Variants in ZNF205 observed in about 807,000 individuals in gnomAD.
ZNF205 encodes the protein zinc finger protein 205.
A neutral mutation model predicts 53.6 loss-of-function variants in ZNF205; 32 were observed. The observed-to-expected ratio is 0.60, with a 90% CI of 0.45 to 0.80. The LOEUF is 0.80. ZNF205 is among the 30% of genes least tolerant of loss of function. The probability of loss-of-function intolerance (pLI) is 0.00; values close to 1 mark genes in which losing one functional copy is unlikely to be tolerated. For synonymous variants in ZNF205, 382 were observed against 334.3 expected, an observed-to-expected ratio of 1.14 and a Z score of -1.56; for missense variants, 836 against 782.4, an observed-to-expected ratio of 1.07 and a Z score of -0.82.
rs753936335 is a variant in ZNF205 at position 3,119,454 on chromosome 16, C to T, written c.794C>T (p.Pro265Leu). ...AEPDRTPDAA[P>L]PDPSPTEPQE... ...CCAGATCGCACCCCGGATGCAGCTCCGCCAGACCCCAGTCCCACGGAGCCC... is the reference window on the plus strand; with the variant it reads ...CCAGATCGCACCCCGGATGCAGCTCTGCCAGACCCCAGTCCCACGGAGCCC... The change falls in exon 7 of 7, where the codon CCG becomes CTG. Residue 265 changes from proline (P) to leucine (L), a missense_variant. By Grantham distance (98) the Pro-to-Leu change is moderately conservative (BLOSUM62 -3). Transcript: ENST00000219091. 2 of 1,590,996 alleles carry T rather than the reference C, an allele frequency of 1.3e-6. No individual in the cohort carries two copies. Among genetic ancestry groups the T allele is most frequent in the East Asian group, 2.3e-5 (1 of 43,608 alleles).
At position 3,119,680 on chromosome 16, in the gene ZNF205, C is replaced by G. The variant is rs1370313800; in HGVS notation, c.1020C>G (p.Asp340Glu). Reference sequence around the variant, plus strand: ...GCGAGAAGCCCTACGCCTGCACTGACTGCGGGAAGCGCTTCGGCCGCAGCT... The same window carrying G: ...GCGAGAAGCCCTACGCCTGCACTGAGTGCGGGAAGCGCTTCGGCCGCAGCT... ...HTGEKPYACT[D>E]CGKRFGRSSH... The change falls in exon 7 of 7, where the codon GAC becomes GAG. Residue 340 changes from aspartate to glutamate, a missense_variant. Coordinates refer to ENST00000219091, the MANE Select transcript of ZNF205 (RefSeq NM_001042428.2). The G allele has an allele frequency of 1.2e-6, 2 of 1,613,170 alleles. No individual in the cohort carries two copies. Among genetic ancestry groups the G allele is most frequent in the Admixed American group, 1.7e-5 (1 of 59,992 alleles).
rs1957380230 is a variant in ZNF205, at chr16:3,118,894, T to C, written c.485-11T>C. The C allele has an allele frequency of 5.0e-6, 8 of 1,612,872 alleles. No individual in the cohort carries two copies. The highest frequency in any genetic ancestry group is 5.1e-6 in the Non-Finnish European group (6 of 1,179,600). On this transcript the variant is annotated splice_polypyrimidine_tract_variant and intron_variant, in intron 5 of 6. Transcript: ENST00000219091. ...AAGGCCTGTGACAGCACAGCATCTC[T>C]TTCTGGGCAGGCTTTCCCTTCAGCA...
rs1957336064 is a variant in ZNF205, at chr16:3,115,775, C to T, written c.272-54C>T. 2.6e-6 allele frequency: 4 copies of T among 1,531,406 alleles called. No individual in the cohort carries two copies. The Admixed American group carries it at 7.3e-5, about 28-fold the overall frequency. The allele number at this position is 1,531,406 out of a possible 1,614,324, so 94.9% of individuals were successfully genotyped here. A position where few individuals can be genotyped will look rare whatever the true frequency, so the allele number is the denominator to read the frequency against. ...GTGGAGTTTGAGGCAGCTGAAGTAG[C>T]AGCAGGTCCAGCAGGATGAGCTGAT... is the stretch of plus-strand genomic sequence containing the variant. On this transcript the variant is annotated intron_variant, in intron 3 of 6. Transcript: ENST00000219091.
In ZNF205 at chr16:3,118,433, C is replaced by T. The variant is rs557970385; in HGVS notation, c.485-472C>T. Reference sequence around the variant, plus strand: ...CCCGGTTGGTCCAACACATTCCTTTCCTCCCACGGGTGGTGGAAGCCAGGG... The same window carrying T: ...CCCGGTTGGTCCAACACATTCCTTTTCTCCCACGGGTGGTGGAAGCCAGGG... On this transcript the variant is annotated intron_variant, in intron 5 of 6. Transcript: ENST00000219091. 2.6e-5 allele frequency among the ~76,000 whole-genome samples: 4 copies of T among 152,352 alleles called. No individual in the cohort carries two copies. In the East Asian group the frequency reaches 5.8e-4, roughly 22 times the overall value.
Position 3,119,806 on chromosome 16 carries a change from C to T in ZNF205, c.1146C>T (p.His382=). 6.2e-7 allele frequency: 1 copy of T among 1,613,858 alleles called. No homozygotes were observed. The highest frequency in any genetic ancestry group is 1.1e-5 in the South Asian group (1 of 91,080). Residue 382 remains histidine (H), a synonymous_variant, in exon 7 of 7, where the codon CAC becomes CAT. Coordinates refer to ENST00000219091, the MANE Select transcript of ZNF205 (RefSeq NM_001042428.2). ...GCCACCACTCCACGCTGATTCAGCA[C>T]CAGCGCATCCACACCGGAGAGAAGC... ...SFSHHSTLIQ[H]QRIHTGEKPY...
intron 6 of ZNF205, 74 bp from the exon 7 acceptor site, chr16:3,119,182 A>G (rs1957385133): frequency 1.3e-6 from 2 of 1,515,790 alleles, no homozygotes; most frequent in African/African-American, 2.8e-5. Flanking sequence ...CCCCACCCTT[A>G]GCTCTGCCTT....
At chr16:3,116,036 C>G in intron 4 of ZNF205, 116 bp downstream of exon 4, 1 of 1,145,908 alleles carries the variant, frequency 8.7e-7, no homozygotes, top group Non-Finnish European at 1.3e-6. Context: ...AAGCCTGGGG[C>G]TCTTGCTAGT....
At position 3,119,752 on chromosome 16, in the gene ZNF205, C is replaced by T. The variant is rs1375960271; in HGVS notation, c.1092C>T (p.Tyr364=). 1.9e-6 allele frequency: 3 copies of T among 1,613,806 alleles called. No individual in the cohort carries two copies. The highest frequency in any genetic ancestry group is 1.7e-6 in the Non-Finnish European group (2 of 1,179,926). Residue 364 remains tyrosine (Y), a synonymous_variant, in exon 7 of 7, where the codon TAC becomes TAT. Coordinates refer to ENST00000219091, the MANE Select transcript of ZNF205 (RefSeq NM_001042428.2). ...HQIIHTGEKP[Y]TCPACRKSFS... ...TCATCCACACGGGCGAGAAGCCCTA[C>T]ACCTGCCCCGCCTGCCGGAAGAGCT...
In ZNF205 at chr16:3,115,476, G is replaced by C. The variant is rs1957330460; in HGVS notation, c.179G>C (p.Gly60Ala). The change falls in exon 3 of 7, where the codon GGG becomes GCG. Residue 60 changes from glycine (G) to alanine (A), a missense_variant. Transcript: ENST00000219091. The part of the protein sequence containing the change: ...KMEPEEPHSE[G>A]ASQEDGAQGA... ...GAGCCCGAAGAGCCACACTCCGAGGGGGCATCGCAGGAGGATGGGGCTCAA... is the reference window on the plus strand; with the variant it reads ...GAGCCCGAAGAGCCACACTCCGAGGCGGCATCGCAGGAGGATGGGGCTCAA... 1 of 1,610,798 alleles carries C rather than the reference G, an allele frequency of 6.2e-7. No individual in the cohort carries two copies. Among genetic ancestry groups the C allele is most frequent in the African/African-American group, 1.3e-5 (1 of 74,722 alleles).
In ZNF205 at chr16:3,115,444, T is replaced by C. The variant is rs1957329324; in HGVS notation, c.147T>C (p.Ile49=). 11 of 1,612,068 alleles carry C rather than the reference T, an allele frequency of 6.8e-6. No individual in the cohort carries two copies. The highest frequency in any genetic ancestry group is 9.3e-6 in the Non-Finnish European group (11 of 1,179,074). ...PSGDTQESLH[I]KMEPEEPHSE... ...GGGACACTCAGGAGTCACTGCACAT[T>C]AAGATGGAGCCCGAAGAGCCACACT... Residue 49 remains isoleucine, a synonymous_variant, in exon 3 of 7, where the codon ATT becomes ATC. Coordinates refer to ENST00000219091, the MANE Select transcript of ZNF205 (RefSeq NM_001042428.2).
At chr16:3,115,062 T>C (rs1417326816) in intron 2 of ZNF205, 2 of 272,546 alleles carry the variant, frequency 7.3e-6, no homozygotes, top group African/African-American at 4.4e-5. Flanking sequence ...CTACACTTGG[T>C]TTCTTCATAC....
In ZNF205 at chr16:3,118,953, G is replaced by A; in HGVS notation, c.533G>A (p.Gly178Asp). Residue 178 changes from glycine (G) to aspartate (D), a missense_variant, in exon 6 of 7, where the codon GGT (glycine) becomes GAT (aspartate). Physicochemically the swap from Gly to Asp is moderately conservative, Grantham distance 94. Coordinates refer to ENST00000219091, the MANE Select transcript of ZNF205 (RefSeq NM_001042428.2). ...PFWAPQAHGK[G>D]EASGSSRQAG... ...TGGGCCCCTCAAGCGCACGGCAAGGGTGAGGCCTCGGGCTCCAGCCGGCAG... is the reference window on the plus strand; with the variant it reads ...TGGGCCCCTCAAGCGCACGGCAAGGATGAGGCCTCGGGCTCCAGCCGGCAG... 1 of 1,613,684 alleles carries A rather than the reference G, an allele frequency of 6.2e-7. No individual in the cohort carries two copies. Among genetic ancestry groups the A allele is most frequent in the Non-Finnish European group, 8.5e-7 (1 of 1,179,990 alleles).
At chr16:3,115,806 T>G (rs376045042) in intron 3 of ZNF205, 23 bp from the exon 4 acceptor site, 2 of 1,597,138 alleles carry the variant, frequency 1.3e-6, no homozygotes, top group South Asian at 1.1e-5. Flanking sequence ...CTGATCACCG[T>G]GAGGACCTCT....
intron 6 of ZNF205, 64 bp downstream of exon 6, chr16:3,119,079 TGTC>T: frequency 6.3e-7 from 1 of 1,580,288 alleles, no homozygotes; most frequent in South Asian, 1.1e-5. Context: ...TTCTGGCTGT[TGTC>T]TGTGGGAGTG....
Position 3,115,844 on chromosome 16 carries a change from G to A in ZNF205, c.287G>A (p.Arg96Gln), listed in dbSNP as rs201059051. Residue 96 changes from arginine (R) to glutamine (Q), a missense_variant, in exon 4 of 7, where the codon CGG (arginine) becomes CAG (glutamine). Transcript: ENST00000219091. ...CCTCCCACAGCCCTCCCCTCCCCCCGGATCCCCGTGCTTTCCCGAGAGGGG... is the reference window on the plus strand; with the variant it reads ...CCTCCCACAGCCCTCCCCTCCCCCCAGATCCCCGTGCTTTCCCGAGAGGGG... ...FLPGGALPSP[R>Q]IPVLSREGRT... The A allele has an allele frequency of 1.6e-4, 261 of 1,613,576 alleles. 1 individual carries two copies. The highest frequency in any genetic ancestry group is 4.5e-4 in the South Asian group (41 of 91,050).
In ZNF205 at chr16:3,119,962, G is replaced by A. The variant is rs1957402148; in HGVS notation, c.1302G>A (p.Ala434=). ...CCAAGTGCTTCACGCAGAGCTCGGC[G>A]CTAGTCACCCACCAGCGCACCCACA... ...ICAKCFTQSS[A]LVTHQRTHTG... is the part of the protein sequence containing the mutation. Residue 434 remains alanine (A), a synonymous_variant, in exon 7 of 7, where the codon GCG becomes GCA. Transcript: ENST00000219091. 2 of 1,613,156 alleles carry A rather than the reference G, an allele frequency of 1.2e-6. No individual in the cohort carries two copies. The highest frequency in any genetic ancestry group is 1.7e-6 in the Non-Finnish European group (2 of 1,179,852).
At chr16:3,115,280 T>G (rs2151227530) in intron 2 of ZNF205, 75 bp from the exon 3 acceptor site, 1 of 1,222,668 alleles carries the variant, frequency 8.2e-7, no homozygotes, top group Non-Finnish European at 1.1e-6. Flanking sequence ...TTTCCGACGC[T>G]GCCGGAGCGC....
At chr16:3,114,077 C>G (rs1957307416) in intron 2 of ZNF205, among the ~76,000 whole-genome samples, 1 of 152,006 alleles carries the variant, frequency 6.6e-6, no homozygotes, top group African/African-American at 2.4e-5. Flanking sequence ...CTGGGAGGCT[C>G]TAAGGATAAT....
chr16:3,112,599 G>C lies in ZNF205; in HGVS notation c.-98G>C. ...CTCCCAGTCTCCACCCAACTCCCCC[G>C]CCCGCCCCGTGCAGGCTGTGGAGAC... On this transcript the variant is annotated 5_prime_UTR_variant, in exon 1 of 7. Coordinates refer to ENST00000219091, the MANE Select transcript of ZNF205 (RefSeq NM_001042428.2). The C allele has an allele frequency of 2.9e-6, 1 of 339,912 alleles. No homozygotes were observed. The highest frequency in any genetic ancestry group is 2.2e-5 in the South Asian group (1 of 45,392). The allele number at this position is 339,912 out of a possible 1,614,324, so 21.1% of individuals were successfully genotyped here.
Sources: allele counts gnomAD v4.1 joint callset (sites outside exome capture counted in the v4.1 genomes callset), GRCh38; gene constraint gnomAD v4.1.1; transcripts MANE v1.5; gene names NCBI Gene and HGNC (gene_info 2026-07-23, HGNC 2026-07-21).